Variants in ADCY10 observed in about 807,000 individuals in gnomAD.
ADCY10 encodes the protein adenylate cyclase 10, also known as adenylate cyclase type 10.
In ADCY10, 156 loss-of-function variants were observed where a neutral mutation model predicts 183.3. That is an observed-to-expected ratio of 0.85 (90% CI 0.75 to 0.97). The LOEUF is 0.97. Among genes scored for constraint, ADCY10 ranks in the 50% least tolerant of loss-of-function variants. ADCY10 has a pLI of 0.00. For synonymous variants in ADCY10, 645 were observed against 670.0 expected (o/e 0.96, Z 0.58); for missense variants, 1,745 against 1,934.3 (o/e 0.90, Z 1.84).
At chr1:167,827,689 A>G (rs955636780) in intron 26 of ADCY10, among the ~76,000 whole-genome samples, 1 of 148,924 alleles carries the variant, frequency 6.7e-6, no homozygotes, top group Non-Finnish European at 1.5e-5. Flanking sequence ...GTTCCATAAT[A>G]TCTAGGCATT....
intron 8 of ADCY10, among the ~76,000 whole-genome samples, chr1:167,888,353 T>C (rs906672885): frequency 6.6e-6 from 1 of 152,208 alleles, no homozygotes; most frequent in Admixed American, 6.5e-5. Context: ...ATTGAATCTG[T>C]AGATTGCTTT....
intron 30 of ADCY10, among the ~76,000 whole-genome samples, chr1:167,819,627 A>G (rs188319409): frequency 6.6e-6 from 1 of 151,886 alleles, no homozygotes; most frequent in Admixed American, 6.5e-5. Context: ...CAATGGCGCG[A>G]TCTTGGCTCA....
At position 167,878,472 on chromosome 1, in the gene ADCY10, A is replaced by G. The variant is rs757679368; in HGVS notation, c.1380T>C (p.Tyr460=). Residue 460 remains tyrosine, a synonymous_variant, in exon 12 of 33, where the codon TAT becomes TAC. Transcript: ENST00000367851. Reference sequence around the variant, plus strand: ...CTTTCTCAGTACGGCCCCAATACTGATACAATGGTCCAGAATCTGCAACAC... The same window carrying G: ...CTTTCTCAGTACGGCCCCAATACTGGTACAATGGTCCAGAATCTGCAACAC... The part of the protein sequence containing the change: ...MKGVADSGPL[Y]QYWGRTEKVM... 1 of 1,614,128 alleles carries G rather than the reference A, an allele frequency of 6.2e-7. No individual in the cohort carries two copies. Among genetic ancestry groups the G allele is most frequent in the Non-Finnish European group, 8.5e-7 (1 of 1,180,034 alleles).
intron 12 of ADCY10, among the ~76,000 whole-genome samples, chr1:167,875,715 C>G (rs1456250860): frequency 6.6e-6 from 1 of 152,230 alleles, no homozygotes; most frequent in African/African-American, 2.4e-5. Flanking sequence ...CTTTGGGAGG[C>G]CGAGGTGGGC....
chr1:167,893,334 G>A (rs1668728269), intron 8 of ADCY10, among the ~76,000 whole-genome samples: 1 of 152,188 alleles, frequency 6.6e-6, no homozygotes, highest in Non-Finnish European at 1.5e-5. Flanking sequence ...TTTTATGCCT[G>A]TTGTCATATT....
intron 5 of ADCY10, 42 bp from the exon 6 acceptor site, chr1:167,899,670 G>A: frequency 6.3e-7 from 1 of 1,591,964 alleles, no homozygotes; most frequent in East Asian, 2.2e-5. Context: ...AGAAGTTCTG[G>A]ATTATTTCCC....
chr1:167,845,755 C>T lies in ADCY10; in HGVS notation c.2815G>A (p.Glu939Lys), dbSNP rs746591110. The T allele has an allele frequency of 5.1e-5, 82 of 1,614,202 alleles. No individual in the cohort carries two copies. The highest frequency in any genetic ancestry group is 4.5e-5 in the East Asian group (2 of 44,882). ...CNPMMQKTAY[E>K]LWLKDQRKAM... Reference sequence around the variant, plus strand: ...TTTCTCTGGTCCTTGAGCCACAGCTCGTAGGCTGTTTTCTGCATCATAGGG... The same window carrying T: ...TTTCTCTGGTCCTTGAGCCACAGCTTGTAGGCTGTTTTCTGCATCATAGGG... The change falls in exon 21 of 33, where the codon GAG (glutamate) becomes AAG (lysine). Residue 939 changes from glutamate to lysine, a missense_variant. By Grantham distance (56) the Glu-to-Lys change is moderately conservative (BLOSUM62 1). Coordinates refer to ENST00000367851, the MANE Select transcript of ADCY10 (RefSeq NM_018417.6).
At chr1:167,833,843 G>T in intron 24 of ADCY10, 127 bp downstream of exon 24, 1 of 741,382 alleles carries the variant, frequency 1.3e-6, no homozygotes, top group South Asian at 1.6e-5. Context: ...TGAGTTTCTA[G>T]AGTCTTGGCT....
rs1348939556 is a variant in ADCY10, at chr1:167,846,057, C to T, written c.2644G>A (p.Ala882Thr). 1.9e-6 allele frequency: 3 copies of T among 1,614,062 alleles called. No individual in the cohort carries two copies. The highest frequency in any genetic ancestry group is 2.5e-6 in the Non-Finnish European group (3 of 1,180,034). ...CFRNGKELQK[A>T]LKQNDPSFEV... is the part of the protein sequence containing the mutation. ...AATGAGGGATCATTCTGTTTCAGGG[C>T]CTTTTGAAGCTCCTTGCCATTCCGG... is the stretch of plus-strand genomic sequence containing the variant. The change falls in exon 20 of 33, where the codon GCC (alanine) becomes ACC (threonine). Residue 882 changes from alanine to threonine, a missense_variant. Ala to Thr is a moderately conservative substitution (Grantham distance 58). Coordinates refer to ENST00000367851, the MANE Select transcript of ADCY10 (RefSeq NM_018417.6).
At chr1:167,876,234 G>A (rs1667461268) in intron 12 of ADCY10, among the ~76,000 whole-genome samples, 1 of 141,636 alleles carries the variant, frequency 7.1e-6, no homozygotes, top group South Asian at 2.2e-4. Context: ...TCCATCCTGG[G>A]CAACAAAAGC....
intron 16 of ADCY10, among the ~76,000 whole-genome samples, chr1:167,857,652 A>G (rs934009047): frequency 1.3e-5 from 2 of 152,202 alleles, no homozygotes; most frequent in African/African-American, 4.8e-5. Flanking sequence ...TATACTTACT[A>G]TGTTCCAAGT....
chr1:167,836,525 T>A lies in ADCY10; in HGVS notation c.3093A>T (p.Arg1031Ser). 1.2e-6 allele frequency: 2 copies of A among 1,606,558 alleles called. No individual in the cohort carries two copies. Among genetic ancestry groups the A allele is most frequent in the Non-Finnish European group, 1.7e-6 (2 of 1,173,198 alleles). Reference sequence around the variant, plus strand: ...GGTCAAAGAAATTCAAGATCTTTTCTCTTATTTCTTCAGGACTGTCCATAT... The same window carrying A: ...GGTCAAAGAAATTCAAGATCTTTTCACTTATTTCTTCAGGACTGTCCATAT... ...FPENRSPEEIREKILNFFDHV... is the reference protein window; with the variant it reads ...FPENRSPEEISEKILNFFDHV... The change falls in exon 23 of 33, where the codon AGA (arginine) becomes AGT (serine). Residue 1031 changes from arginine (R) to serine (S), a missense_variant. Transcript: ENST00000367851.
intron 14 of ADCY10, among the ~76,000 whole-genome samples, chr1:167,861,947 A>G (rs1373102360): frequency 6.6e-6 from 1 of 152,172 alleles, no homozygotes; most frequent in Non-Finnish European, 1.5e-5. Flanking sequence ...GCCACCATGT[A>G]AGACATGCCT....
intron 8 of ADCY10, among the ~76,000 whole-genome samples, chr1:167,890,040 C>A (rs1668487954): frequency 6.6e-6 from 1 of 152,224 alleles, no homozygotes; most frequent in Non-Finnish European, 1.5e-5. Context: ...GGTCACATAT[C>A]TCTGTCTCTC....
At chr1:167,904,680 G>A (rs1669695158) in intron 2 of ADCY10, 4 of 591,278 alleles carry the variant, frequency 6.8e-6, no homozygotes, top group African/African-American at 1.9e-5. Context: ...GGTCAATTTT[G>A]ACTGGGATGT....
At chr1:167,831,929 C>G (rs180924855) in intron 25 of ADCY10, among the ~76,000 whole-genome samples, 1 of 152,300 alleles carries the variant, frequency 6.6e-6, no homozygotes, top group East Asian at 1.9e-4. Flanking sequence ...GAACATCTCC[C>G]AGCCCTTCCT....
intron 3 of ADCY10, among the ~76,000 whole-genome samples, chr1:167,903,609 A>G (rs1173749703): frequency 3.3e-5 from 5 of 152,190 alleles, no homozygotes; most frequent in Non-Finnish European, 4.4e-5. Context: ...ATATATAACT[A>G]AAAGTATTAC....
At chr1:167,869,181 T>G (rs1666907574) in intron 14 of ADCY10, among the ~76,000 whole-genome samples, 1 of 152,194 alleles carries the variant, frequency 6.6e-6, no homozygotes, top group South Asian at 2.1e-4. Flanking sequence ...TTCCCAGCAC[T>G]AGGAGGATTT....
intron 21 of ADCY10, among the ~76,000 whole-genome samples, chr1:167,845,036 T>A (rs1348262729): frequency 6.6e-6 from 1 of 152,174 alleles, no homozygotes; most frequent in Non-Finnish European, 1.5e-5. Flanking sequence ...TATTATTGGC[T>A]TGTAACTTTT....
Sources: gnomAD v4.1 joint callset for allele counts (sites outside exome capture counted in the v4.1 genomes callset) on GRCh38, gnomAD v4.1.1 for gene constraint, MANE v1.5 for transcripts, NCBI Gene and HGNC (gene_info 2026-07-23, HGNC 2026-07-21) for gene names.